The following NELL1 variants were observed in gnomAD, a reference collection of about 807,000 sequenced individuals.
The protein encoded by NELL1 is protein kinase C-binding protein NELL1.
Under a neutral mutation model 107.4 loss-of-function variants are expected in NELL1, and 76 were observed. The ratio of observed to expected loss-of-function variants is 0.71; its 90% CI spans 0.59 to 0.86. The LOEUF (loss-of-function observed/expected upper bound fraction) is 0.86. Ranked by LOEUF, NELL1 falls within the 40% of genes least tolerant of loss-of-function variation. The pLI is 0.00. For synonymous variants in NELL1, 353 were observed against 341.2 expected (o/e 1.03, Z -0.38); for missense variants, 1,024 against 1,005.5 (o/e 1.02, Z -0.25).
chr11:21,335,155 A>G (rs1225316113), intron 14 of NELL1, among the ~76,000 whole-genome samples: 1 of 152,094 alleles, frequency 6.6e-6, no homozygotes, highest in Non-Finnish European at 1.5e-5. Context: ...GAAATGTTTT[A>G]AAATAGCATT....
chr11:21,543,757 G>A lies in NELL1; in HGVS notation c.1786+9243G>A, dbSNP rs560286229. 2.3e-4 allele frequency among the ~76,000 whole-genome samples: 35 copies of A among 152,028 alleles called. No homozygotes were observed. The Middle Eastern group carries it at 0.01, about 44-fold the overall frequency. ...TAGAGACTTCTCTGGGAAGACAAGCGCACCTCCTCCGTTTCGATGATAATC... is the reference window on the plus strand; with the variant it reads ...TAGAGACTTCTCTGGGAAGACAAGCACACCTCCTCCGTTTCGATGATAATC... On this transcript the variant is annotated intron_variant, in intron 16 of 19. Coordinates refer to ENST00000357134, the MANE Select transcript of NELL1 (RefSeq NM_006157.5).
intron 14 of NELL1, among the ~76,000 whole-genome samples, chr11:21,272,377 G>A (rs749620655): frequency 2.6e-5 from 4 of 152,218 alleles, no homozygotes; most frequent in Non-Finnish European, 5.9e-5. Context: ...CCATTGCCAA[G>A]GCTTGAGTAG....
chr11:20,958,772 G>C (rs1851230099), intron 11 of NELL1, among the ~76,000 whole-genome samples: 2 of 152,130 alleles, frequency 1.3e-5, no homozygotes, highest in African/African-American at 2.4e-5. Flanking sequence ...AGAAAATGTT[G>C]AACATGTGGC....
chr11:21,372,372 T>G (rs7109721), intron 15 of NELL1, among the ~76,000 whole-genome samples: 59,079 of 151,844 alleles, frequency 0.39, 11,900 homozygotes, highest in Admixed American at 0.54. Flanking sequence ...GGGGAAAGAA[T>G]GGTAATAATG....
At chr11:21,184,746 A>G (rs930750883) in intron 13 of NELL1, among the ~76,000 whole-genome samples, 7 of 150,530 alleles carry the variant, frequency 4.7e-5, no homozygotes, top group African/African-American at 1.5e-4. Context: ...GTTTTTAACG[A>G]GGAGTTTTGA....
At chr11:21,197,015 G>A (rs1340458557) in intron 13 of NELL1, among the ~76,000 whole-genome samples, 1 of 151,460 alleles carries the variant, frequency 6.6e-6, no homozygotes, top group Non-Finnish European at 1.5e-5. Flanking sequence ...GGGACTACAG[G>A]CACCTGCCAC....
chr11:21,337,837 T>TTTCTTTTCTTTCTTTC lies in NELL1; in HGVS notation c.1550-33014_1550-33013insCTTTTCTTTCTTTCTT, dbSNP rs71034505. Among the ~76,000 whole-genome samples, 491 of 86,532 alleles carry TTTCTTTTCTTTCTTTC rather than the reference T, an allele frequency of 5.7e-3. 10 individuals carry two copies. Among genetic ancestry groups the TTTCTTTTCTTTCTTTC allele is most frequent in the African/African-American group, 0.017 (363 of 21,146 alleles). The allele number at this position is 86,532 out of a possible 152,430, so 56.8% of individuals were successfully genotyped here. A position where few individuals can be genotyped will look rare whatever the true frequency, so the allele number is the denominator to read the frequency against. On this transcript the variant is annotated intron_variant, in intron 14 of 19. Transcript: ENST00000357134. ...CTTTCCTTCTTTCTTTCTTTCTTTC[T>TTTCTTTTCTTTCTTTC]TTTCTTTCTTTCTTTCTTTCTTTCT...
At chr11:21,246,528 T>C (rs1858496089) in intron 14 of NELL1, among the ~76,000 whole-genome samples, 1 of 152,188 alleles carries the variant, frequency 6.6e-6, no homozygotes, top group Non-Finnish European at 1.5e-5. Flanking sequence ...TATATGTATA[T>C]AATACAGTGT....
At chr11:21,119,943 G>A (rs879383783) in intron 13 of NELL1, among the ~76,000 whole-genome samples, 3 of 152,114 alleles carry the variant, frequency 2.0e-5, no homozygotes, top group Admixed American at 6.6e-5. Flanking sequence ...ACAAAAGCAT[G>A]CAGCGATAAG....
chr11:21,502,826 A>T (rs1390944226), intron 15 of NELL1, among the ~76,000 whole-genome samples: 1 of 152,196 alleles, frequency 6.6e-6, no homozygotes, highest in Non-Finnish European at 1.5e-5. Flanking sequence ...ATTACTGTAC[A>T]TAAAGTTTAT....
At chr11:21,252,968 G>A (rs2133912703) in intron 14 of NELL1, among the ~76,000 whole-genome samples, 1 of 152,138 alleles carries the variant, frequency 6.6e-6, no homozygotes, top group African/African-American at 2.4e-5. Flanking sequence ...AGTTGAGGTA[G>A]CCTAGTCTAT....
intron 12 of NELL1, among the ~76,000 whole-genome samples, chr11:21,029,741 T>A (rs1407568761): frequency 6.6e-6 from 1 of 152,138 alleles, no homozygotes; most frequent in Admixed American, 6.6e-5. Flanking sequence ...AGGGGTTGAA[T>A]AAAGGGCATG....
At chr11:21,517,090 C>G (rs6483776) in intron 15 of NELL1, among the ~76,000 whole-genome samples, 20,578 of 152,010 alleles carry the variant, frequency 0.14, 1,520 homozygotes, top group Admixed American at 0.2. Flanking sequence ...CGCCCAGCCA[C>G]CATTGTATTC....
chr11:21,322,535 A>C (rs1405871534), intron 14 of NELL1, among the ~76,000 whole-genome samples: 1 of 152,192 alleles, frequency 6.6e-6, no homozygotes, highest in Non-Finnish European at 1.5e-5. Context: ...ACACACATAC[A>C]CACACATCAG....
At chr11:21,051,612 C>T (rs113476881) in intron 12 of NELL1, among the ~76,000 whole-genome samples, 4,141 of 152,116 alleles carry the variant, frequency 0.027, 185 homozygotes, top group African/African-American at 0.092. Context: ...TATTAGCATC[C>T]GTGTAACTAT....
chr11:20,756,646 C>T (rs969254471), intron 2 of NELL1, among the ~76,000 whole-genome samples: 2 of 147,438 alleles, frequency 1.4e-5, no homozygotes, highest in Admixed American at 6.8e-5. Flanking sequence ...CAGGCGTGAG[C>T]CACCACACCA....
At chr11:21,009,806 C>T (rs1281835734) in intron 12 of NELL1, among the ~76,000 whole-genome samples, 2 of 152,162 alleles carry the variant, frequency 1.3e-5, no homozygotes, top group South Asian at 2.1e-4. Flanking sequence ...TGGTCAGAAG[C>T]TTCCTTAACG....
chr11:21,270,789 C>T (rs1848723200), intron 14 of NELL1, among the ~76,000 whole-genome samples: 1 of 152,022 alleles, frequency 6.6e-6, no homozygotes, highest in South Asian at 2.1e-4. Flanking sequence ...TAAAGCAGAC[C>T]TTAGCACATT....
At chr11:20,953,962 T>G (rs901766620) in intron 11 of NELL1, among the ~76,000 whole-genome samples, 3 of 152,212 alleles carry the variant, frequency 2.0e-5, no homozygotes, top group Non-Finnish European at 4.4e-5. Flanking sequence ...GTATAATGCC[T>G]GCACATGTGC....
Sources: allele counts gnomAD v4.1 joint callset (sites outside exome capture counted in the v4.1 genomes callset), GRCh38; gene constraint gnomAD v4.1.1; transcripts MANE v1.5; gene names NCBI Gene and HGNC (gene_info 2026-07-23, HGNC 2026-07-21).